Variants in SLK observed in about 807,000 individuals in gnomAD.
SLK encodes the protein STE20-like serine/threonine-protein kinase.
Under a neutral mutation model 147.7 loss-of-function variants are expected in SLK, and 67 were observed. The observed-to-expected ratio is 0.45, with a 90% confidence interval of 0.37 to 0.56. The LOEUF (loss-of-function observed/expected upper bound fraction) is 0.56, where lower values mean the gene tolerates loss of function less well. SLK is among the 20% of genes least tolerant of loss of function. SLK has a pLI of 0.00. For missense variants in SLK, 1,136 were observed against 1,438.8 expected (o/e 0.79, Z 3.41); for synonymous variants, 441 against 475.0 (o/e 0.93, Z 0.93).
At position 104,002,924 on chromosome 10, in the gene SLK, G is replaced by C. The variant is rs563174883; in HGVS notation, c.1746G>C (p.Gln582His). The C allele has an allele frequency of 2.2e-5, 35 of 1,614,142 alleles. No homozygotes were observed. The African/African-American group carries it at 3.6e-4, about 17-fold the overall frequency. Residue 582 changes from glutamine (Q) to histidine (H), a missense_variant, in exon 9 of 19, where the codon CAG becomes CAC. By Grantham distance (24) the Gln-to-His change is conservative. Coordinates refer to ENST00000369755, the MANE Select transcript of SLK (RefSeq NM_014720.4). ...GGAAAGAAGTGGTCGAAGTAGGCCA[G>C]AAATTAATTAATAAGCCCATGGTGG... ...NDGKEVVEVG[Q>H]KLINKPMVGP...
chr10:103,977,322 G>C (rs1442327567), intron 1 of SLK, among the ~76,000 whole-genome samples: 2 of 152,122 alleles, frequency 1.3e-5, no homozygotes. Context: ...AATAAAAACT[G>C]TTATCTGGCC....
chr10:103,975,673 GC>G (rs1843860733), intron 1 of SLK, among the ~76,000 whole-genome samples: 1 of 152,080 alleles, frequency 6.6e-6, no homozygotes, highest in Non-Finnish European at 1.5e-5. Flanking sequence ...CCATGTTGTT[GC>G]ATGTAGTAGT....
At chr10:103,981,331 A>G (rs1843939684) in intron 1 of SLK, among the ~76,000 whole-genome samples, 1 of 152,132 alleles carries the variant, frequency 6.6e-6, no homozygotes, top group African/African-American at 2.4e-5. Context: ...TTTAAAATGT[A>G]TAACATTTTA....
intron 14 of SLK, 113 bp from the exon 15 acceptor site, chr10:104,018,671 T>C (rs1844495708): frequency 2.8e-6 from 3 of 1,069,806 alleles, no homozygotes; most frequent in East Asian, 5.0e-5. Flanking sequence ...AATGTCAACA[T>C]GTGTGTACGA....
At chr10:103,989,451 A>G (rs1472152931) in intron 1 of SLK, among the ~76,000 whole-genome samples, 1 of 139,802 alleles carries the variant, frequency 7.2e-6, no homozygotes, top group Non-Finnish European at 1.5e-5. Flanking sequence ...TTTGGAAGAC[A>G]GTGTGGCAGT....
chr10:103,992,489 A>G, intron 2 of SLK, 109 bp from the exon 3 acceptor site: 1 of 969,474 alleles, frequency 1.0e-6, no homozygotes, highest in Non-Finnish European at 1.5e-6. Context: ...TAACCAGATT[A>G]TTTGATAGCT....
At chr10:103,975,297 T>C (rs868639441) in intron 1 of SLK, among the ~76,000 whole-genome samples, 1 of 152,122 alleles carries the variant, frequency 6.6e-6, no homozygotes, top group South Asian at 2.1e-4. Flanking sequence ...ATTCAGCTCA[T>C]GATGTCAGTC....
At chr10:104,024,855 C>T (rs1844577641) in intron 18 of SLK, among the ~76,000 whole-genome samples, 1 of 152,168 alleles carries the variant, frequency 6.6e-6, no homozygotes, top group Non-Finnish European at 1.5e-5. Flanking sequence ...CTCACCGTGT[C>T]CTCACAGGGC....
At chr10:104,012,398 A>G (rs1384458091) in intron 13 of SLK, among the ~76,000 whole-genome samples, 1 of 152,206 alleles carries the variant, frequency 6.6e-6, no homozygotes, top group Non-Finnish European at 1.5e-5. Context: ...GCTATGAGCC[A>G]TTGAAACATT....
chr10:104,008,417 ACTAT>A (rs2134509558), intron 12 of SLK, 61 bp downstream of exon 12: 8 of 1,196,392 alleles, frequency 6.7e-6, no homozygotes, highest in South Asian at 2.9e-5. Flanking sequence ...TTGTTTTAAG[ACTAT>A]CTAAGGATTT....
intron 1 of SLK, 45 bp from the exon 2 acceptor site, chr10:103,990,630 A>T: frequency 8.5e-7 from 1 of 1,171,356 alleles, no homozygotes; most frequent in Non-Finnish European, 1.2e-6. Context: ...AAAATTAGAA[A>T]ATGATGCATT....
intron 9 of SLK, among the ~76,000 whole-genome samples, chr10:104,004,803 T>A (rs562517984): frequency 6.6e-6 from 1 of 152,224 alleles, no homozygotes; most frequent in South Asian, 2.1e-4. Context: ...AGGAGTCTTA[T>A]ATGTCTGTTA....
chr10:103,986,981 GA>G (rs1844026670), intron 1 of SLK, among the ~76,000 whole-genome samples: 1 of 152,116 alleles, frequency 6.6e-6, no homozygotes, highest in African/African-American at 2.4e-5. Context: ...TGGCCTATGT[GA>G]AGAGTTTTTA....
At chr10:104,014,287 A>G (rs969383347) in intron 13 of SLK, among the ~76,000 whole-genome samples, 1 of 152,244 alleles carries the variant, frequency 6.6e-6, no homozygotes. Flanking sequence ...TTATTCAAGT[A>G]GTCAATAATG....
Position 103,998,926 on chromosome 10 carries a change from CGAG to C in SLK, c.545_547del (p.Arg182del). ...GATTTTGGAGTATCAGCTAAAAACA[CGAG>C]GACAATTCAAAGAAGAGATTCCTTT... On this transcript the variant is annotated inframe_deletion, in exon 5 of 19. Transcript: ENST00000369755. The C allele has an allele frequency of 6.2e-7, 1 of 1,611,728 alleles. No homozygotes were observed. The highest frequency in any genetic ancestry group is 2.2e-5 in the East Asian group (1 of 44,796).
chr10:104,016,267 C>A (rs1367433343), intron 13 of SLK, among the ~76,000 whole-genome samples: 2 of 151,068 alleles, frequency 1.3e-5, no homozygotes, highest in East Asian at 3.9e-4. Flanking sequence ...TGCAGTGAGC[C>A]GAGACCGTGC....
chr10:104,011,286 A>G lies in SLK; in HGVS notation c.2877+378A>G, dbSNP rs117042033. 7.8e-3 allele frequency among the ~76,000 whole-genome samples: 1,189 copies of G among 152,360 alleles called. 9 individuals are homozygous for G. The highest frequency in any genetic ancestry group is 0.025 in the East Asian group (131 of 5,194). On this transcript the variant is annotated intron_variant, in intron 13 of 18. Coordinates refer to ENST00000369755, the MANE Select transcript of SLK (RefSeq NM_014720.4). ...ATGGTATATAAGCTTTGTGCTTACA[A>G]AAAGTATGCCCATTAAAACGCTATT...
Position 104,025,657 on chromosome 10 carries a change from A to G in SLK, c.3645A>G (p.Pro1215=), listed in dbSNP as rs1844588362. 1.9e-6 allele frequency: 3 copies of G among 1,613,974 alleles called. No homozygotes were observed. Among genetic ancestry groups the G allele is most frequent in the Non-Finnish European group, 2.5e-6 (3 of 1,179,864 alleles). The change falls in exon 19 of 19, where the codon CCA becomes CCG. Residue 1215 remains proline (P), a synonymous_variant. Coordinates refer to ENST00000369755, the MANE Select transcript of SLK (RefSeq NM_014720.4). ...CTGGGGAGTCTGAATGCCTTAACCC[A>G]TCAACACAGAGCCGGATTTCCAAAT... ...KMTGESECLN[P]STQSRISKFY...
intron 1 of SLK, among the ~76,000 whole-genome samples, chr10:103,979,370 T>C (rs1251643784): frequency 6.6e-6 from 1 of 152,236 alleles, no homozygotes; most frequent in African/African-American, 2.4e-5. Flanking sequence ...TGGTATGTTG[T>C]ATGGCATGAG....
Sources: gnomAD v4.1 joint callset for allele counts (sites outside exome capture counted in the v4.1 genomes callset) on GRCh38, gnomAD v4.1.1 for gene constraint, MANE v1.5 for transcripts, NCBI Gene and HGNC (gene_info 2026-07-23, HGNC 2026-07-21) for gene names.